The following TCIRG1 variants were observed in gnomAD, a reference collection of about 807,000 sequenced individuals.
The protein encoded by TCIRG1 is T cell immune regulator 1, ATPase H+ transporting V0 subunit a3, also known as V-type proton ATPase 116 kDa subunit a 3.
TCIRG1 carries 86 observed loss-of-function variants against 95.5 expected under a neutral mutation model. That is an observed-to-expected ratio of 0.90 (90% CI 0.76 to 1.08). TCIRG1 has a LOEUF of 1.08. Ranked by LOEUF, TCIRG1 falls within the 50% of genes least tolerant of loss-of-function variation. The pLI is 0.00. For synonymous variants in TCIRG1, 499 were observed against 501.3 expected (o/e 1.00, Z 0.06); for missense variants, 1,069 against 1,140.2 (o/e 0.94, Z 0.90).
chr11:68,045,880 C>T (rs1268037685), intron 10 of TCIRG1, among the ~76,000 whole-genome samples: 1 of 152,198 alleles, frequency 6.6e-6, no homozygotes, highest in African/African-American at 2.4e-5. Context: ...GTGACCAAGT[C>T]CCCTCCCGAC....
chr11:68,043,536 G>A, intron 6 of TCIRG1, 35 bp from the exon 7 acceptor site: 1 of 1,591,256 alleles, frequency 6.3e-7, no homozygotes. Flanking sequence ...CCTGGGCAGA[G>A]CGGGACCCCA....
At position 68,043,403 on chromosome 11, in the gene TCIRG1, C is replaced by T. The variant is rs1855279702; in HGVS notation, c.536C>T (p.Ala179Val). 1 of 1,541,080 alleles carries T rather than the reference C, an allele frequency of 6.5e-7. No homozygotes were observed. ...FVAGAVEPHK[A>V]PALERLLWRA... ...GCAGGTGCCGTGGAGCCCCACAAGGCCCCTGCCCTAGAGCGCCTGCTCTGG... is the reference window on the plus strand; with the variant it reads ...GCAGGTGCCGTGGAGCCCCACAAGGTCCCTGCCCTAGAGCGCCTGCTCTGG... The change falls in exon 6 of 20, where the codon GCC becomes GTC. Residue 179 changes from alanine to valine, a missense_variant. By Grantham distance (64) the Ala-to-Val change is moderately conservative. Transcript: ENST00000265686.
chr11:68,046,010 A>G (rs1012941422), intron 10 of TCIRG1, among the ~76,000 whole-genome samples: 3 of 152,226 alleles, frequency 2.0e-5, no homozygotes, highest in African/African-American at 7.2e-5. Flanking sequence ...CTGGGCCCCA[A>G]CAGGATTCCC....
chr11:68,051,768 C>T (rs1235192160), downstream of TCIRG1, among the ~76,000 whole-genome samples: 1 of 152,200 alleles, frequency 6.6e-6, no homozygotes, highest in Admixed American at 6.5e-5. Flanking sequence ...TGAAGGACTC[C>T]GGAGAGCTGC....
At chr11:68,048,056 A>G in intron 13 of TCIRG1, 84 bp downstream of exon 13, 1 of 1,249,682 alleles carries the variant, frequency 8.0e-7, no homozygotes, top group Non-Finnish European at 1.2e-6. Flanking sequence ...GCCGTCCTGC[A>G]GCGCTGTCGC....
Position 68,050,142 on chromosome 11 carries a change from C to A in TCIRG1, c.2124C>A (p.Val708=). The change falls in exon 18 of 20, where the codon GTC becomes GTA. Residue 708 remains valine (V), a synonymous_variant. Coordinates refer to ENST00000265686, the MANE Select transcript of TCIRG1 (RefSeq NM_006019.4). ...GLDDEEEAEL[V]PSEVLMHQAI... ...TCACTGCACCCGCCCCGCAGCTCGT[C>A]CCCTCCGAGGTGCTCATGCACCAGG... The A allele has an allele frequency of 6.2e-7, 1 of 1,613,192 alleles. No individual in the cohort carries two copies. The highest frequency in any genetic ancestry group is 8.5e-7 in the Non-Finnish European group (1 of 1,179,884).
chr11:68,050,092 G>A, intron 17 of TCIRG1, 26 bp downstream of exon 17: 1 of 1,612,380 alleles, frequency 6.2e-7, no homozygotes, highest in Non-Finnish European at 8.5e-7. Flanking sequence ...TCCTGGGGGT[G>A]GGACGGCTGA....
At chr11:68,042,560 C>T (rs1243420414) in intron 3 of TCIRG1, 83 bp from the exon 4 acceptor site, 28 of 1,140,698 alleles carry the variant, frequency 2.5e-5, no homozygotes, top group East Asian at 2.1e-4. Context: ...AGCTGGTGGC[C>T]GATGGAGTTT....
chr11:68,042,185 C>T (rs1855200448), intron 3 of TCIRG1, among the ~76,000 whole-genome samples: 1 of 152,168 alleles, frequency 6.6e-6, no homozygotes, highest in Non-Finnish European at 1.5e-5. Flanking sequence ...GTGGGTGGGG[C>T]CCAGGATCTA....
At chr11:68,051,229 T>C (rs145431523), downstream of TCIRG1, among the ~76,000 whole-genome samples, 595 of 152,224 alleles carry the variant, frequency 3.9e-3, 6 homozygotes, top group Admixed American at 0.027. Flanking sequence ...CTCAGGGGTC[T>C]GGAAGTACAG....
rs570870770 is a variant in TCIRG1, at chr11:68,050,470, G to A, written c.2237-17G>A. Reference sequence around the variant, plus strand: ...CACCCACTTGCCGTTGGCCCCCACTGTCTCCTTTGCTTGCAGAGCTGTCCG... The same window carrying A: ...CACCCACTTGCCGTTGGCCCCCACTATCTCCTTTGCTTGCAGAGCTGTCCG... On this transcript the variant is annotated splice_polypyrimidine_tract_variant and intron_variant, in intron 18 of 19. Coordinates refer to ENST00000265686, the MANE Select transcript of TCIRG1 (RefSeq NM_006019.4). 1.2e-6 allele frequency: 2 copies of A among 1,612,484 alleles called. No individual in the cohort carries two copies. Among genetic ancestry groups the A allele is most frequent in the Admixed American group, 1.7e-5 (1 of 60,038 alleles).
intron 13 of TCIRG1, 123 bp downstream of exon 13, chr11:68,048,095 C>T (rs1855601931): frequency 1.1e-6 from 1 of 884,664 alleles, no homozygotes; most frequent in Non-Finnish European, 1.9e-6. Context: ...AGGCCCTTTC[C>T]TCAGCACAAG....
chr11:68,045,822 G>C (rs1855453601), intron 10 of TCIRG1, among the ~76,000 whole-genome samples: 1 of 152,214 alleles, frequency 6.6e-6, no homozygotes, highest in Non-Finnish European at 1.5e-5. Context: ...GGGGGCCCAA[G>C]CACCCTGACT....
chr11:68,040,295 G>T (rs891392621), intron 1 of TCIRG1, among the ~76,000 whole-genome samples: 1 of 152,214 alleles, frequency 6.6e-6, no homozygotes, highest in African/African-American at 2.4e-5. Context: ...CTGCCCTGTG[G>T]CCGGGCCTGG....
In TCIRG1 at chr11:68,047,949, C is replaced by A. The variant is rs1046252307; in HGVS notation, c.1531C>A (p.Pro511Thr). Residue 511 changes from proline (P) to threonine (T), a missense_variant, in exon 13 of 20, where the codon CCC becomes ACC. Coordinates refer to ENST00000265686, the MANE Select transcript of TCIRG1 (RefSeq NM_006019.4). ...DPNVTGVFLG[P>T]YPFGIDPIWS... is the part of the protein sequence containing the mutation. The stretch of plus-strand genomic sequence containing the variant: ...CAACGTCACCGGTGTCTTCCTGGGA[C>A]CCTACCCCTTTGGCATCGATCCTGT... 6.8e-6 allele frequency: 11 copies of A among 1,613,862 alleles called. No individual in the cohort carries two copies. Among genetic ancestry groups the A allele is most frequent in the Non-Finnish European group, 9.3e-6 (11 of 1,180,020 alleles).
downstream of TCIRG1, among the ~76,000 whole-genome samples, chr11:68,051,886 C>T (rs534065054): frequency 9.2e-5 from 14 of 152,230 alleles, no homozygotes; most frequent in African/African-American, 3.1e-4. Flanking sequence ...GAGCAGCACT[C>T]GTGGTGAGTG....
At chr11:68,048,200 G>A (rs1031232333) in intron 13 of TCIRG1, 32 of 623,418 alleles carry the variant, frequency 5.1e-5, no homozygotes, top group African/African-American at 4.3e-4. Flanking sequence ...TCTCCTGAGT[G>A]TGCAGAGGCA....
At chr11:68,046,916 G>A (rs1344812703) in intron 10 of TCIRG1, 2 of 456,294 alleles carry the variant, frequency 4.4e-6, no homozygotes, top group Non-Finnish European at 8.8e-6. Context: ...GAAGTGGTCT[G>A]GTGTTACCTG....
At position 68,042,647 on chromosome 11, in the gene TCIRG1, C is replaced by A; in HGVS notation, c.201C>A (p.Phe67Leu). ...RCEELEKTFTFLQEEVRRAGL... is the reference protein window; with the variant it reads ...RCEELEKTFTLLQEEVRRAGL... ...CTCCCGTTCCTCTGCGCCCAGCCTT[C>A]CTGCAGGAGGAGGTGCGGCGGGCTG... The change falls in exon 4 of 20, where the codon TTC (phenylalanine) becomes TTA (leucine). Residue 67 changes from phenylalanine to leucine, a missense_variant. By Grantham distance (22) the Phe-to-Leu change is conservative (BLOSUM62 0). Coordinates refer to ENST00000265686, the MANE Select transcript of TCIRG1 (RefSeq NM_006019.4). The A allele has an allele frequency of 6.5e-7, 1 of 1,547,504 alleles. No homozygotes were observed. The highest frequency in any genetic ancestry group is 8.7e-7 in the Non-Finnish European group (1 of 1,146,422).
Sources: allele counts gnomAD v4.1 joint callset (sites outside exome capture counted in the v4.1 genomes callset), GRCh38; gene constraint gnomAD v4.1.1; transcripts MANE v1.5; gene names NCBI Gene and HGNC (gene_info 2026-07-23, HGNC 2026-07-21).